RCOR1: variants seen among roughly 807,000 people sequenced by gnomAD.
RCOR1 encodes REST corepressor.
RCOR1 carries 12 observed loss-of-function variants against 64.0 expected under a neutral mutation model. That is an observed-to-expected ratio of 0.19 (90% confidence interval 0.12 to 0.30). The LOEUF is 0.30. RCOR1 is among the 10% of genes least tolerant of loss of function. RCOR1 has a pLI of 1.00. For missense variants in RCOR1, 502 were observed against 621.2 expected, an observed-to-expected ratio of 0.81 and a Z score of 2.04; for synonymous variants, 279 against 227.2, an observed-to-expected ratio of 1.23 and a Z score of -2.05.
In RCOR1 at chr14:102,707,946, C is replaced by T. The variant is rs113960745; in HGVS notation, c.660+434C>T. Among the ~76,000 whole-genome samples, 986 of 149,284 alleles carry T rather than the reference C, an allele frequency of 6.6e-3. 13 individuals are homozygous for T. The highest frequency in any genetic ancestry group is 0.024 in the African/African-American group (954 of 39,950). On this transcript the variant is annotated intron_variant, in intron 5 of 11. Coordinates refer to ENST00000262241, the MANE Select transcript of RCOR1 (RefSeq NM_015156.4). ...TTGGGACTACAGGTGCGTGCCACCACGGCCGGCTAATTTTTTGTATCTTTT... is the reference window on the plus strand; with the variant it reads ...TTGGGACTACAGGTGCGTGCCACCATGGCCGGCTAATTTTTTGTATCTTTT...
chr14:102,682,214 C>G (rs556762041), intron 3 of RCOR1, among the ~76,000 whole-genome samples: 1 of 152,334 alleles, frequency 6.6e-6, no homozygotes, highest in South Asian at 2.1e-4. Context: ...ACTGCAATCT[C>G]TGCTTCCTGG....
rs986250196 is a variant in RCOR1 at position 102,681,353 on chromosome 14, G to T, written c.362-542G>T. ...ATTGTAATAGATGACAGCCGCTTGCGGTTAATTCAGTAATACATGTCAGCT... is the reference window on the plus strand; with the variant it reads ...ATTGTAATAGATGACAGCCGCTTGCTGTTAATTCAGTAATACATGTCAGCT... On this transcript the variant is annotated intron_variant, in intron 2 of 11. Transcript: ENST00000262241. 7.2e-5 allele frequency among the ~76,000 whole-genome samples: 11 copies of T among 152,106 alleles called. 1 individual carries two copies. The highest frequency in any genetic ancestry group is 1.3e-4 in the Admixed American group (2 of 15,268).
chr14:102,693,208 A>C (rs1895572420), intron 3 of RCOR1, among the ~76,000 whole-genome samples: 1 of 152,102 alleles, frequency 6.6e-6, no homozygotes, highest in African/African-American at 2.4e-5. Flanking sequence ...AATTATGTGC[A>C]TTCATAGTTC....
intron 2 of RCOR1, among the ~76,000 whole-genome samples, chr14:102,644,733 T>C (rs998613305): frequency 2.0e-5 from 3 of 152,198 alleles, no homozygotes; most frequent in African/African-American, 7.2e-5. Context: ...GGATAATTGC[T>C]GTAGACACAT....
chr14:102,637,229 C>T (rs940247259), intron 2 of RCOR1, among the ~76,000 whole-genome samples: 9 of 150,842 alleles, frequency 6.0e-5, no homozygotes, highest in South Asian at 2.1e-4. Flanking sequence ...TGTGTTCAAG[C>T]GATTCTCCTG....
chr14:102,725,836 G>A (rs1896247159), intron 11 of RCOR1, among the ~76,000 whole-genome samples: 1 of 152,122 alleles, frequency 6.6e-6, no homozygotes, highest in African/African-American at 2.4e-5. Flanking sequence ...CTCCCAAAGT[G>A]CTGGGATTAC....
At chr14:102,598,022 A>G (rs1358429071) in intron 2 of RCOR1, among the ~76,000 whole-genome samples, 3 of 151,538 alleles carry the variant, frequency 2.0e-5, no homozygotes, top group Non-Finnish European at 4.4e-5. Flanking sequence ...GGGTTTCTCC[A>G]TGTTGGTCAG....
intron 2 of RCOR1, chr14:102,649,846 T>C (rs1228004504): frequency 2.2e-6 from 2 of 909,622 alleles, no homozygotes; most frequent in African/African-American, 3.6e-5. Flanking sequence ...AGAAAATGAA[T>C]TGGTTATCTA....
At chr14:102,680,720 G>A (rs1454406178) in intron 2 of RCOR1, among the ~76,000 whole-genome samples, 2 of 152,126 alleles carry the variant, frequency 1.3e-5, no homozygotes, top group South Asian at 2.1e-4. Context: ...CAGGAGAATT[G>A]CTTGAGCCTG....
At chr14:102,644,716 A>G (rs1894444770) in intron 2 of RCOR1, among the ~76,000 whole-genome samples, 3 of 152,198 alleles carry the variant, frequency 2.0e-5, no homozygotes, top group Non-Finnish European at 4.4e-5. Context: ...ATGGCAGGAC[A>G]AGCTTAGGAT....
Position 102,615,171 on chromosome 14 carries a change from A to C in RCOR1, c.361+21846A>C, listed in dbSNP as rs1680017146. Among the ~76,000 whole-genome samples, 13 of 106,912 alleles carry C rather than the reference A, an allele frequency of 1.2e-4. No homozygotes were observed. The Admixed American group carries it at 1.6e-3, about 13-fold the overall frequency. 70.1% of individuals were successfully genotyped at this position (106,912 alleles called of 152,430 possible). ...TTTTTTGAGACAGAGTCTTATTCTC[A>C]CCCAGCCTGGAGTGCAGTGTTAACG... On this transcript the variant is annotated intron_variant, in intron 2 of 11. Coordinates refer to ENST00000262241, the MANE Select transcript of RCOR1 (RefSeq NM_015156.4).
At chr14:102,719,769 A>T (rs774652141) in intron 8 of RCOR1, among the ~76,000 whole-genome samples, 9 of 152,206 alleles carry the variant, frequency 5.9e-5, no homozygotes, top group Non-Finnish European at 1.0e-4. Flanking sequence ...ACAGTGCAAT[A>T]TATACCCAGT....
rs887533593 is a variant in RCOR1 at position 102,592,699 on chromosome 14, G to C, written c.-188G>C. 50 of 1,227,362 alleles carry C rather than the reference G, an allele frequency of 4.1e-5. No homozygotes were observed. The highest frequency in any genetic ancestry group is 5.0e-5 in the Non-Finnish European group (49 of 985,256). The allele number at this position is 1,227,362 out of a possible 1,614,324, so 76.0% of individuals were successfully genotyped here. A position where few individuals can be genotyped will look rare whatever the true frequency, so the allele number is the denominator to read the frequency against. ...TGAGAGCGAAAGTTGCGCTCGGCTC[G>C]TCGCTGGGGGCTTGAAGCGGCTCCG... On this transcript the variant is annotated 5_prime_UTR_variant, in exon 1 of 12. Transcript: ENST00000262241.
At chr14:102,628,011 A>T (rs1321063544) in intron 2 of RCOR1, among the ~76,000 whole-genome samples, 1 of 151,832 alleles carries the variant, frequency 6.6e-6, no homozygotes, top group African/African-American at 2.4e-5. Context: ...TGTGAAGGCC[A>T]GGAAGTCCCA....
intron 4 of RCOR1, among the ~76,000 whole-genome samples, chr14:102,706,309 G>A (rs1895859831): frequency 6.6e-6 from 1 of 151,868 alleles, no homozygotes; most frequent in South Asian, 2.1e-4. Flanking sequence ...AAAATTACAG[G>A]ATCCCAGTAT....
intron 11 of RCOR1, among the ~76,000 whole-genome samples, chr14:102,725,943 T>G (rs1896249777): frequency 6.6e-6 from 1 of 152,158 alleles, no homozygotes; most frequent in Admixed American, 6.5e-5. Flanking sequence ...ATGAAGAAAC[T>G]GAAACTCAAA....
At chr14:102,651,938 C>G (rs941447983) in intron 2 of RCOR1, among the ~76,000 whole-genome samples, 2 of 152,194 alleles carry the variant, frequency 1.3e-5, no homozygotes, top group Non-Finnish European at 1.5e-5. Flanking sequence ...CAAATTGATT[C>G]TCAGTAGGCT....
At chr14:102,696,648 G>A (rs528453887) in intron 3 of RCOR1, among the ~76,000 whole-genome samples, 27 of 152,224 alleles carry the variant, frequency 1.8e-4, no homozygotes, top group African/African-American at 6.0e-4. Context: ...ATTTTTAATC[G>A]ATAAGGGACA....
At chr14:102,695,007 G>C (rs1390396407) in intron 3 of RCOR1, among the ~76,000 whole-genome samples, 2 of 152,146 alleles carry the variant, frequency 1.3e-5, no homozygotes, top group Non-Finnish European at 2.9e-5. Context: ...ACCATATGGT[G>C]CCAGCCTATT....
Sources: allele counts gnomAD v4.1 joint callset (sites outside exome capture counted in the v4.1 genomes callset), GRCh38; gene constraint gnomAD v4.1.1; transcripts MANE v1.5; gene names NCBI Gene and HGNC (gene_info 2026-07-23, HGNC 2026-07-21).